Variants in WDR27 observed in about 807,000 individuals in gnomAD.
WDR27 encodes WD repeat-containing protein 27.
In WDR27, 100 loss-of-function variants were observed where a neutral mutation model predicts 114.4. That is an observed-to-expected ratio of 0.87 (90% CI 0.74 to 1.03). The LOEUF (loss-of-function observed/expected upper bound fraction) is 1.03, where lower values mean the gene tolerates loss of function less well. WDR27 is among the 50% of genes least tolerant of loss of function. WDR27 has a pLI of 0.00. For synonymous variants in WDR27, 449 were observed against 423.1 expected, an observed-to-expected ratio of 1.06 and a Z score of -0.75; for missense variants, 1,129 against 1,092.9, an observed-to-expected ratio of 1.03 and a Z score of -0.47.
chr6:169,595,331 C>A (rs1414736036), intron 23 of WDR27, among the ~76,000 whole-genome samples: 1 of 152,136 alleles, frequency 6.6e-6, no homozygotes, highest in Non-Finnish European at 1.5e-5. Context: ...TAGAATTCTT[C>A]TTCCAGCAGT....
In WDR27 at chr6:169,696,425, T is replaced by C. The variant is rs1195023510; in HGVS notation, c.-8+5126A>G. On this transcript the variant is annotated intron_variant, in intron 1 of 25. Transcript: ENST00000448612. The stretch of plus-strand genomic sequence containing the variant: ...AAAATCTCACACCTGTATACACACA[T>C]GCACACAAAGAATCCCACACATGCA... Among the ~76,000 whole-genome samples the C allele has an allele frequency of 3.3e-5, 5 of 152,176 alleles. No individual in the cohort carries two copies. The South Asian group carries it at 6.2e-4, about 19-fold the overall frequency.
rs369821005 is a variant in WDR27 at position 169,520,653 on chromosome 6, A to C, written c.2645+51766T>G. ...GAAACTTGGTGATCTTCAAGGTAAC[A>C]CAGAAAAGCAATTCAGAAATTTATC... On this transcript the variant is annotated intron_variant, in intron 25 of 25. Transcript: ENST00000448612. Among the ~76,000 whole-genome samples the C allele has an allele frequency of 2.1e-4, 32 of 152,278 alleles. 1 individual carries two copies. In the Middle Eastern group the frequency reaches 0.014, roughly 65 times the overall value.
At chr6:169,680,440 G>C (rs142156722) in intron 2 of WDR27, among the ~76,000 whole-genome samples, 2,766 of 152,242 alleles carry the variant, frequency 0.018, 82 homozygotes, top group African/African-American at 0.064. Flanking sequence ...AAATTAGCGG[G>C]GCTTGGTGAT....
chr6:169,494,616 G>A (rs759444774), intron 25 of WDR27, among the ~76,000 whole-genome samples: 7 of 152,102 alleles, frequency 4.6e-5, no homozygotes, highest in African/African-American at 1.7e-4. Context: ...GTTATGGGGT[G>A]CAAAACTGCA....
chr6:169,681,332 C>A (rs1196419792), intron 2 of WDR27, among the ~76,000 whole-genome samples: 1 of 152,186 alleles, frequency 6.6e-6, no homozygotes, highest in Non-Finnish European at 1.5e-5. Context: ...TATCTCCCGA[C>A]AATAACAAAA....
intron 9 of WDR27, among the ~76,000 whole-genome samples, chr6:169,662,061 T>C (rs79355059): frequency 0.079 from 12,017 of 152,324 alleles, 571 homozygotes; most frequent in African/African-American, 0.1. Flanking sequence ...AAGATCTGCC[T>C]AGACTTTGGT....
At chr6:169,440,549 G>A in the WDR27 span, among the ~76,000 whole-genome samples, 4 of 152,050 alleles carry the variant, frequency 2.6e-5, no homozygotes, top group African/African-American at 4.8e-5. Context: ...ACTAAACCAA[G>A]ACTCCATGTT....
chr6:169,689,030 A>G lies in WDR27; in HGVS notation c.-7-18T>C, dbSNP rs1783790298. 6.4e-7 allele frequency: 1 copy of G among 1,574,670 alleles called. No individual in the cohort carries two copies. Among genetic ancestry groups the G allele is most frequent in the Admixed American group, 1.8e-5 (1 of 55,478 alleles). Reference sequence around the variant, plus strand: ...TCTTCAATCTGAAAACAAAAAGTACATATAAGATGACTATAGGTATCATAT... The same window carrying G: ...TCTTCAATCTGAAAACAAAAAGTACGTATAAGATGACTATAGGTATCATAT... On this transcript the variant is annotated intron_variant, in intron 1 of 25. Coordinates refer to ENST00000448612, the MANE Select transcript of WDR27 (RefSeq NM_182552.5).
At chr6:169,482,052 G>A (rs916730421) in intron 25 of WDR27, among the ~76,000 whole-genome samples, 16 of 152,294 alleles carry the variant, frequency 1.1e-4, no homozygotes, top group African/African-American at 3.4e-4. Flanking sequence ...TGCAGTGTTC[G>A]GTTTTCTGTT....
the WDR27 span, among the ~76,000 whole-genome samples, chr6:169,444,529 G>A: frequency 2.0e-5 from 3 of 152,194 alleles, no homozygotes; most frequent in Admixed American, 1.3e-4. Context: ...GCCAGAGCCG[G>A]CAGGGGCCAC....
At chr6:169,673,480 A>T (rs1026927272) in intron 2 of WDR27, among the ~76,000 whole-genome samples, 1 of 152,058 alleles carries the variant, frequency 6.6e-6, no homozygotes, top group Non-Finnish European at 1.5e-5. Flanking sequence ...AGAGAGACAC[A>T]CATTTTGAAG....
At chr6:169,660,465 C>T (rs566676082) in intron 10 of WDR27, among the ~76,000 whole-genome samples, 198 bp downstream of exon 10, 2 of 152,248 alleles carry the variant, frequency 1.3e-5, no homozygotes, top group African/African-American at 4.8e-5. Context: ...GGGCTGAGTG[C>T]CCGAGGGTCC....
chr6:169,534,531 A>C (rs968966004), intron 25 of WDR27, among the ~76,000 whole-genome samples: 2 of 151,996 alleles, frequency 1.3e-5, no homozygotes, highest in Non-Finnish European at 2.9e-5. Flanking sequence ...CTTTGTGGGA[A>C]GTTTTTTTTA....
At chr6:169,513,745 ACAGCAACATGTGCTGG>A (rs1793244355) in intron 25 of WDR27, among the ~76,000 whole-genome samples, 1 of 152,116 alleles carries the variant, frequency 6.6e-6, no homozygotes. Flanking sequence ...TTACTTATAA[ACAGCAACATGTGCTGG>A]AAACTGTGGT....
chr6:169,541,862 GATTA>G (rs1214275713), intron 25 of WDR27, among the ~76,000 whole-genome samples: 17 of 152,070 alleles, frequency 1.1e-4, no homozygotes, highest in South Asian at 8.3e-4. Flanking sequence ...ACTTAATAAA[GATTA>G]ATTATTTTCT....
chr6:169,653,009 C>T (rs1000162274), intron 13 of WDR27, among the ~76,000 whole-genome samples: 1 of 152,202 alleles, frequency 6.6e-6, no homozygotes, highest in African/African-American at 2.4e-5. Flanking sequence ...TCAGGAGACT[C>T]GTGTCTCCTT....
intron 2 of WDR27, among the ~76,000 whole-genome samples, chr6:169,682,967 GAAGA>G (rs763251478): frequency 2.0e-5 from 3 of 151,980 alleles, no homozygotes; most frequent in South Asian, 2.1e-4. Flanking sequence ...TCAGCAAACA[GAAGA>G]AAGAATCAGT....
Position 169,508,818 on chromosome 6 carries a change from G to A in WDR27, c.2646-51184C>T, listed in dbSNP as rs113160856. 3.5e-3 allele frequency among the ~76,000 whole-genome samples: 538 copies of A among 152,264 alleles called. 5 individuals carry two copies. Among genetic ancestry groups the A allele is most frequent in the African/African-American group, 0.012 (505 of 41,556 alleles). On this transcript the variant is annotated intron_variant, in intron 25 of 25. Transcript: ENST00000448612. Reference sequence around the variant, plus strand: ...TGTAGAAAATATTTGAATCTATCACGTTATTAAACCAGTAGCATAAATGAT... The same window carrying A: ...TGTAGAAAATATTTGAATCTATCACATTATTAAACCAGTAGCATAAATGAT...
At chr6:169,642,908 A>G (rs1040576354) in intron 17 of WDR27, among the ~76,000 whole-genome samples, 1 of 152,222 alleles carries the variant, frequency 6.6e-6, no homozygotes, top group Non-Finnish European at 1.5e-5. Context: ...TGGAGTTCCC[A>G]TTTTTTCAGA....
Sources: gnomAD v4.1 joint callset for allele counts (sites outside exome capture counted in the v4.1 genomes callset) on GRCh38, gnomAD v4.1.1 for gene constraint, MANE v1.5 for transcripts, NCBI Gene and HGNC (gene_info 2026-07-23, HGNC 2026-07-21) for gene names.